ZWILCH: variants seen among roughly 807,000 people sequenced by gnomAD.
ZWILCH encodes the protein protein zwilch homolog.
A neutral mutation model predicts 79.9 loss-of-function variants in ZWILCH; 74 were observed. That is an observed-to-expected ratio of 0.93 (90% CI 0.77 to 1.12). The LOEUF is 1.12. Among genes scored for constraint, ZWILCH ranks in the 50% most tolerant of loss-of-function variants. The probability of loss-of-function intolerance (pLI) is 0.00; values close to 1 mark genes in which losing one functional copy is unlikely to be tolerated. For synonymous variants in ZWILCH, 241 were observed against 228.2 expected (o/e 1.06, Z -0.51); for missense variants, 694 against 687.5 (o/e 1.01, Z -0.11).
Position 66,548,424 on chromosome 15 carries a change from CA to C in ZWILCH, c.*103del. 1.2e-6 allele frequency: 1 copy of C among 807,134 alleles called. No homozygotes were observed. The highest frequency in any genetic ancestry group is 2.0e-6 in the Non-Finnish European group (1 of 494,870). 50.0% of individuals were successfully genotyped at this position (807,134 alleles called of 1,614,324 possible). A position where few individuals can be genotyped will look rare whatever the true frequency, so the allele number is the denominator to read the frequency against. ...GAAAACAGCAATGTATGGAAACCCT[CA>C]AAGCAGAAAAGGGAGGAAGATCCTG... On this transcript the variant is annotated 3_prime_UTR_variant, in exon 19 of 19. Coordinates refer to ENST00000307897, the MANE Select transcript of ZWILCH (RefSeq NM_017975.5).
In ZWILCH at chr15:66,521,107, A is replaced by T. The variant is rs764084085; in HGVS notation, c.649A>T (p.Thr217Ser). 22 of 1,614,218 alleles carry T rather than the reference A, an allele frequency of 1.4e-5. No homozygotes were observed. The South Asian group carries it at 2.4e-4, about 18-fold the overall frequency. The change falls in exon 7 of 19, where the codon ACA becomes TCA. Residue 217 changes from threonine to serine, a missense_variant. By Grantham distance (58) the Thr-to-Ser change is moderately conservative (BLOSUM62 1). Coordinates refer to ENST00000307897, the MANE Select transcript of ZWILCH (RefSeq NM_017975.5). ...ELFKSSALDDTITASQTAIAL... is the reference protein window; with the variant it reads ...ELFKSSALDDSITASQTAIAL... ...CTTTAAGTCCTCTGCCTTGGATGAT[A>T]CAATCACAGCATCACAAACTGCGAT...
rs1490806006 is a variant in ZWILCH, at chr15:66,520,607, G to A, written c.538G>A (p.Val180Ile). The A allele has an allele frequency of 2.0e-6, 3 of 1,527,792 alleles. No homozygotes were observed. The highest frequency in any genetic ancestry group is 1.8e-6 in the Non-Finnish European group (2 of 1,108,252). The allele number at this position is 1,527,792 out of a possible 1,614,324, so 94.6% of individuals were successfully genotyped here. A position where few individuals can be genotyped will look rare whatever the true frequency, so the allele number is the denominator to read the frequency against. The change falls in exon 6 of 19, where the codon GTA (valine) becomes ATA (isoleucine). Residue 180 changes from valine (V) to isoleucine (I), a missense_variant. Transcript: ENST00000307897. ...VSCKADKNYSVNLENLKNLHK... is the reference protein window; with the variant it reads ...VSCKADKNYSINLENLKNLHK... ...TCCTATAGCTGATAAAAATTATTCT[G>A]TAAATCTTGAAAACCTAAAAAATTT...
In ZWILCH at chr15:66,546,703, A is replaced by C; in HGVS notation, c.*24A>C. The C allele has an allele frequency of 2.6e-6, 4 of 1,541,430 alleles. No individual in the cohort carries two copies. The highest frequency in any genetic ancestry group is 3.5e-6 in the Non-Finnish European group (4 of 1,130,592). On this transcript the variant is annotated splice_region_variant and 3_prime_UTR_variant, in exon 18 of 19. Transcript: ENST00000307897. ...GAAGTGTGCTGATGAAGTCCTCTAT[A>C]AGGTATTTATGTTCACATTTTAGTC...
chr15:66,536,055 CTT>C lies in ZWILCH; in HGVS notation c.1467_1468del (p.Ser490PhefsTer15). The C allele has an allele frequency of 6.2e-7, 1 of 1,606,546 alleles. No homozygotes were observed. On this transcript the variant is annotated frameshift_variant, in exon 15 of 19. Transcript: ENST00000307897. LOFTEE classifies it high-confidence loss of function. ...TCATTAAATCTCAACATGAACTCCT[CTT>C]TTCTTTAACACAGTAAGTACATCTG... ...PFIKSQHELL[F>X]SLTQICIKYY...
Position 66,546,659 on chromosome 15 carries a change from A to T in ZWILCH, c.1756A>T (p.Ser586Cys), listed in dbSNP as rs760696190. 1.7e-5 allele frequency: 27 copies of T among 1,608,200 alleles called. No individual in the cohort carries two copies. The South Asian group carries it at 2.6e-4, about 15-fold the overall frequency. The change falls in exon 18 of 19, where the codon AGC (serine) becomes TGC (cysteine). Residue 586 changes from serine (S) to cysteine (C), a missense_variant. By Grantham distance (112) the Ser-to-Cys change is moderately radical. Transcript: ENST00000307897. ...ATTCTTTACTAACATGGTTACCTGC[A>T]GCCAGGTGCATTTCAAGTGAAGTGT... Reference protein sequence around the residue: ...RIFFTNMVTCSQVHFK With the variant: ...RIFFTNMVTCCQVHFK
At chr15:66,543,922 T>A (rs974549668) in intron 17 of ZWILCH, among the ~76,000 whole-genome samples, 1 of 152,222 alleles carries the variant, frequency 6.6e-6, no homozygotes, top group African/African-American at 2.4e-5. Context: ...CTATTGTTTT[T>A]TAAAGAAGAA....
chr15:66,517,430 G>GTATATA (rs1555424251), intron 4 of ZWILCH, among the ~76,000 whole-genome samples: 2 of 66,526 alleles, frequency 3.0e-5, no homozygotes, highest in African/African-American at 6.1e-5. Flanking sequence ...GTGTGTGTGT[G>GTATATA]TATATATATA....
chr15:66,528,962 G>GC lies in ZWILCH; in HGVS notation c.1075+5_1075+6insC. 1 of 1,608,596 alleles carries GC rather than the reference G, an allele frequency of 6.2e-7. No homozygotes were observed. The highest frequency in any genetic ancestry group is 1.1e-5 in the South Asian group (1 of 90,760). On this transcript the variant is annotated splice_donor_region_variant and intron_variant, in intron 11 of 18. Coordinates refer to ENST00000307897, the MANE Select transcript of ZWILCH (RefSeq NM_017975.5). ...TGTGGTGCAAAATGAGCAGTAGTAG[G>GC]TGTCCATCATGATTTAAATTTTTCC...
At chr15:66,531,834 C>T (rs937117292) in intron 12 of ZWILCH, among the ~76,000 whole-genome samples, 13 of 152,090 alleles carry the variant, frequency 8.5e-5, no homozygotes, top group Middle Eastern at 3.4e-3. Flanking sequence ...TTTGGGAGTC[C>T]GACGCGGGCG....
chr15:66,544,724 T>TTTTTGTGTGTG (rs145952622), intron 17 of ZWILCH, among the ~76,000 whole-genome samples: 46 of 128,538 alleles, frequency 3.6e-4, no homozygotes, highest in African/African-American at 1.3e-3. Flanking sequence ...TTTTTGGTTT[T>TTTTTGTGTGTG]TGTGTGTGTG....
At chr15:66,526,653 G>A (rs1453221957) in intron 8 of ZWILCH, among the ~76,000 whole-genome samples, 12 of 151,728 alleles carry the variant, frequency 7.9e-5, no homozygotes, top group Non-Finnish European at 1.8e-4. Context: ...TAGTAGAGAC[G>A]GGGTTTCACC....
intron 1 of ZWILCH, among the ~76,000 whole-genome samples, chr15:66,507,462 C>T (rs1449698394): frequency 1.3e-5 from 2 of 152,182 alleles, no homozygotes; most frequent in African/African-American, 4.8e-5. Flanking sequence ...CAAGTTATTA[C>T]CCTCCACATT....
intron 17 of ZWILCH, among the ~76,000 whole-genome samples, chr15:66,540,448 G>C (rs72752464): frequency 0.022 from 3,355 of 152,050 alleles, 53 homozygotes; most frequent in Non-Finnish European, 0.029. Context: ...AACTACTCAC[G>C]TGGCTAAGGC....
At chr15:66,533,511 A>G (rs372300914) in intron 14 of ZWILCH, among the ~76,000 whole-genome samples, 7 of 152,280 alleles carry the variant, frequency 4.6e-5, no homozygotes, top group Admixed American at 2.0e-4. Flanking sequence ...TTTGACGTTC[A>G]TTGAAAGATC....
chr15:66,528,707 CATT>C (rs1894759901), intron 10 of ZWILCH, 142 bp from the exon 11 acceptor site: 2 of 618,210 alleles, frequency 3.2e-6, no homozygotes, highest in Non-Finnish European at 5.6e-6. Context: ...TGTATCTCCT[CATT>C]AGTGAATGAA....
chr15:66,506,999 G>A (rs547991079), intron 1 of ZWILCH, among the ~76,000 whole-genome samples: 71 of 152,100 alleles, frequency 4.7e-4, no homozygotes, highest in Admixed American at 7.2e-4. Context: ...TGGGACTACA[G>A]GCGCATGCCA....
At chr15:66,533,463 C>T (rs553152953) in intron 14 of ZWILCH, among the ~76,000 whole-genome samples, 3 of 152,138 alleles carry the variant, frequency 2.0e-5, no homozygotes, top group Admixed American at 6.6e-5. Flanking sequence ...CTAGCCCATT[C>T]AGAAACTTCA....
rs750756436 is a variant in ZWILCH at position 66,519,125 on chromosome 15, A to G, written c.520+47A>G. Reference sequence around the variant, plus strand: ...TGTGTGTGTGTATTTATTCATTTGTATAGTTATTGTTTCATGTTTTTTTAC... The same window carrying G: ...TGTGTGTGTGTATTTATTCATTTGTGTAGTTATTGTTTCATGTTTTTTTAC... On this transcript the variant is annotated intron_variant, in intron 5 of 18. Coordinates refer to ENST00000307897, the MANE Select transcript of ZWILCH (RefSeq NM_017975.5). 5 of 1,569,366 alleles carry G rather than the reference A, an allele frequency of 3.2e-6. No homozygotes were observed. The East Asian group carries it at 1.1e-4, about 35-fold the overall frequency.
chr15:66,529,539 T>C lies in ZWILCH; in HGVS notation c.1121T>C (p.Ile374Thr). 1.2e-6 allele frequency: 2 copies of C among 1,614,062 alleles called. No individual in the cohort carries two copies. The highest frequency in any genetic ancestry group is 1.7e-6 in the Non-Finnish European group (2 of 1,179,972). Residue 374 changes from isoleucine to threonine, a missense_variant, in exon 12 of 19, where the codon ATC (isoleucine) becomes ACC (threonine). Coordinates refer to ENST00000307897, the MANE Select transcript of ZWILCH (RefSeq NM_017975.5). ...TTGGTGAAGTGTTTCACATTGATCA[T>C]CCAGAGTCTACAACGTGGTGATATA... ...QDLVKCFTLI[I>T]QSLQRGDIQP...
Sources: allele counts gnomAD v4.1 joint callset (sites outside exome capture counted in the v4.1 genomes callset), GRCh38; gene constraint gnomAD v4.1.1; transcripts MANE v1.5; gene names NCBI Gene and HGNC (gene_info 2026-07-23, HGNC 2026-07-21).